Variants in RGS5 observed in about 807,000 individuals in gnomAD.
RGS5 encodes regulator of G-protein signalling 5.
A neutral mutation model predicts 18.9 loss-of-function variants in RGS5; 20 were observed. The ratio of observed to expected loss-of-function variants is 1.06; its 90% confidence interval spans 0.74 to 1.54. The LOEUF is 1.54. Ranked by LOEUF, RGS5 falls within the 40% of genes most tolerant of loss-of-function variation. The pLI, the probability that RGS5 is intolerant of heterozygous loss-of-function variation, is 0.00. For synonymous variants in RGS5, 57 were observed against 76.2 expected (o/e 0.75, Z 1.31); for missense variants, 201 against 211.8 (o/e 0.95, Z 0.32).
chr1:163,215,206 T>C (rs1660190892), intron 1 of RGS5, among the ~76,000 whole-genome samples: 1 of 152,218 alleles, frequency 6.6e-6, no homozygotes, highest in Non-Finnish European at 1.5e-5. Flanking sequence ...GCTGCATGTA[T>C]TTCATCGTAT....
intron 3 of RGS5, among the ~76,000 whole-genome samples, chr1:163,155,851 G>A (rs138663386): frequency 6.6e-6 from 1 of 152,076 alleles, no homozygotes; most frequent in East Asian, 1.9e-4. Flanking sequence ...CCACTCTCTA[G>A]AAAGCCAATG....
intron 4 of RGS5, among the ~76,000 whole-genome samples, chr1:163,147,970 G>A (rs1266238347): frequency 8.1e-6 from 1 of 122,832 alleles, no homozygotes; most frequent in Non-Finnish European, 1.6e-5. Flanking sequence ...TGTCACTCAG[G>A]CAGGCTGGAG....
chr1:163,205,339 C>A (rs1571288880), upstream of RGS5, among the ~76,000 whole-genome samples: 6 of 90,846 alleles, frequency 6.6e-5, no homozygotes, highest in South Asian at 3.5e-4. Context: ...TGTTTTTTAA[C>A]CACAGTAAAA....
At chr1:163,316,422 C>G (rs1353723990) in intron 1 of RGS5, among the ~76,000 whole-genome samples, 2 of 152,138 alleles carry the variant, frequency 1.3e-5, no homozygotes, top group Non-Finnish European at 2.9e-5. Context: ...CTTGCTATTA[C>G]TGTTCATAAT....
intron 2 of RGS5, among the ~76,000 whole-genome samples, chr1:163,274,592 C>T (rs1185576595): frequency 6.6e-6 from 1 of 152,100 alleles, no homozygotes; most frequent in Non-Finnish European, 1.5e-5. Flanking sequence ...TGGGAACTCT[C>T]AATTTATAAC....
intron 2 of RGS5, among the ~76,000 whole-genome samples, chr1:163,224,009 T>A (rs1167880914): frequency 6.6e-6 from 1 of 152,216 alleles, no homozygotes; most frequent in East Asian, 1.9e-4. Flanking sequence ...AATGATCAAA[T>A]CATGGTAATT....
intron 2 of RGS5, chr1:163,300,301 T>C (rs1649520104): frequency 6.6e-6 from 1 of 152,208 alleles, no homozygotes; most frequent in Non-Finnish European, 1.5e-5. Flanking sequence ...CCAAAACAAA[T>C]GAGAGCTAAG....
At chr1:163,169,995 G>A (rs547926116) in intron 1 of RGS5, among the ~76,000 whole-genome samples, 2 of 152,168 alleles carry the variant, frequency 1.3e-5, no homozygotes, top group South Asian at 2.1e-4. Context: ...CCTCCATCAC[G>A]GGATGCAACT....
chr1:163,217,311 TTACTC>T (rs1308697436), intron 1 of RGS5, among the ~76,000 whole-genome samples: 1 of 152,090 alleles, frequency 6.6e-6, no homozygotes, highest in Non-Finnish European at 1.5e-5. Context: ...AATCTGGCCT[TTACTC>T]TGGGTTTTTT....
At chr1:163,173,999 C>G (rs1658427500) in intron 1 of RGS5, among the ~76,000 whole-genome samples, 1 of 152,234 alleles carries the variant, frequency 6.6e-6, no homozygotes, top group Non-Finnish European at 1.5e-5. Context: ...TTGCTTGAAC[C>G]CAGGAGGTGG....
At chr1:163,290,168 A>G (rs1283629256) in intron 2 of RGS5, among the ~76,000 whole-genome samples, 1 of 152,144 alleles carries the variant, frequency 6.6e-6, no homozygotes, top group Non-Finnish European at 1.5e-5. Context: ...CCACCTCCTC[A>G]GGCTCCTCTA....
At chr1:163,206,388 T>C (rs919570137), upstream of RGS5, among the ~76,000 whole-genome samples, 22 of 152,044 alleles carry the variant, frequency 1.4e-4, no homozygotes, top group Admixed American at 3.9e-4. Flanking sequence ...ATTTTTTTAA[T>C]GAAAAAAAGA....
chr1:163,251,067 A>G (rs1648093967), intron 2 of RGS5, among the ~76,000 whole-genome samples: 3 of 152,192 alleles, frequency 2.0e-5, no homozygotes, highest in Admixed American at 2.0e-4. Context: ...AAGAGGGAAA[A>G]TTCAACCCCG....
chr1:163,202,061 C>CA (rs1292839382), intron 1 of RGS5, among the ~76,000 whole-genome samples: 3 of 152,100 alleles, frequency 2.0e-5, no homozygotes, highest in Admixed American at 6.6e-5. Context: ...CAGGGAGCCT[C>CA]AAAGATTTTG....
chr1:163,208,960 C>G (rs1660033719), intron 1 of RGS5, among the ~76,000 whole-genome samples: 1 of 152,040 alleles, frequency 6.6e-6, no homozygotes, highest in Non-Finnish European at 1.5e-5. Flanking sequence ...ATATCAAACT[C>G]TACACCCTGC....
intron 2 of RGS5, among the ~76,000 whole-genome samples, chr1:163,253,641 TTTA>T (rs946390522): frequency 1.2e-4 from 18 of 151,216 alleles, no homozygotes; most frequent in African/African-American, 3.9e-4. Flanking sequence ...TATTTATTTA[TTTA>T]TTTTTTAATT....
At chr1:163,243,854 C>T (rs1170406018) in intron 2 of RGS5, among the ~76,000 whole-genome samples, 2 of 150,822 alleles carry the variant, frequency 1.3e-5, no homozygotes, top group South Asian at 4.2e-4. Flanking sequence ...TTGGCAAAGA[C>T]TCAGTGAATC....
intron 1 of RGS5, among the ~76,000 whole-genome samples, chr1:163,181,482 T>TC (rs1273590713): frequency 6.6e-6 from 1 of 152,036 alleles, no homozygotes; most frequent in African/African-American, 2.4e-5. Flanking sequence ...TTAATTTGCA[T>TC]CCCCCCATTT....
intron 3 of RGS5, among the ~76,000 whole-genome samples, chr1:163,156,468 C>A (rs1374611722): frequency 6.6e-6 from 1 of 152,132 alleles, no homozygotes; most frequent in Non-Finnish European, 1.5e-5. Flanking sequence ...CATCGACTTG[C>A]TCTTGAAGAT....
Sources: allele counts gnomAD v4.1 joint callset (sites outside exome capture counted in the v4.1 genomes callset), GRCh38; gene constraint gnomAD v4.1.1; transcripts MANE v1.5; gene names NCBI Gene and HGNC (gene_info 2026-07-23, HGNC 2026-07-21).